DYTN: variants seen among roughly 807,000 people sequenced by gnomAD.
The protein encoded by DYTN is dystrotelin.
Under a neutral mutation model 69.6 loss-of-function variants are expected in DYTN, and 75 were observed. That is an observed-to-expected ratio of 1.08 (90% CI 0.89 to 1.31). The LOEUF (loss-of-function observed/expected upper bound fraction) is 1.31. Ranked by LOEUF, DYTN falls within the 50% of genes most tolerant of loss-of-function variation. The pLI is 0.00. For synonymous variants in DYTN, 252 were observed against 249.1 expected, an observed-to-expected ratio of 1.01 and a Z score of -0.11; for missense variants, 726 against 688.4, an observed-to-expected ratio of 1.05 and a Z score of -0.61.
chr2:206,656,197 T>C (rs1699446405), intron 11 of DYTN, among the ~76,000 whole-genome samples: 2 of 152,192 alleles, frequency 1.3e-5, no homozygotes, highest in Admixed American at 6.5e-5. Flanking sequence ...AATTATAGTA[T>C]CTTCTGGGTA....
At position 206,714,973 on chromosome 2, in the gene DYTN, G is replaced by A. The variant is rs139245674; in HGVS notation, c.19+3288C>T. On this transcript the variant is annotated intron_variant, in intron 1 of 11. Coordinates refer to ENST00000452335, the MANE Select transcript of DYTN (RefSeq NM_001093730.1). ...TTTTTTTTTTCTCGTCTTATTCAGC[G>A]TTTCATTAGTAGTGCTAATGTAGCT... Among the ~76,000 whole-genome samples, 823 of 150,322 alleles carry A rather than the reference G, an allele frequency of 5.5e-3. 7 individuals are homozygous for A. Among genetic ancestry groups the A allele is most frequent in the African/African-American group, 0.018 (726 of 40,814 alleles).
chr2:206,702,909 C>T (rs1699988754), intron 5 of DYTN, among the ~76,000 whole-genome samples: 1 of 152,096 alleles, frequency 6.6e-6, no homozygotes, highest in Non-Finnish European at 1.5e-5. Flanking sequence ...AGATGGCACA[C>T]CGGCACAGGC....
At chr2:206,685,900 G>A (rs1048659798) in intron 9 of DYTN, among the ~76,000 whole-genome samples, 2 of 151,492 alleles carry the variant, frequency 1.3e-5, no homozygotes, top group African/African-American at 2.4e-5. Context: ...TCCTATAAGA[G>A]CAAGGGACGC....
At chr2:206,654,795 T>G (rs999477650) in intron 11 of DYTN, among the ~76,000 whole-genome samples, 7 of 152,246 alleles carry the variant, frequency 4.6e-5, no homozygotes, top group Non-Finnish European at 7.3e-5. Context: ...TTTGAAGTTT[T>G]ATTTTCTGAT....
intron 1 of DYTN, among the ~76,000 whole-genome samples, chr2:206,713,432 A>C (rs1344322491): frequency 6.6e-6 from 1 of 152,184 alleles, no homozygotes; most frequent in Non-Finnish European, 1.5e-5. Context: ...TCGCTGTGGT[A>C]GAGAGAGGGA....
chr2:206,662,106 T>C (rs1699518768), intron 11 of DYTN, among the ~76,000 whole-genome samples: 1 of 152,200 alleles, frequency 6.6e-6, no homozygotes, highest in Non-Finnish European at 1.5e-5. Flanking sequence ...GTGTATTATA[T>C]TTAATGACTT....
rs879629081 is a variant in DYTN at position 206,675,113 on chromosome 2, A to ATGTGTG, written c.981-9085_981-9084insCACACA. On this transcript the variant is annotated intron_variant, in intron 9 of 11. Transcript: ENST00000452335. ...ATTGGAGGGGAAAAAACATATATAT[A>ATGTGTG]TATGTGTGTGTGTGTGTGTGTGTGT... Among the ~76,000 whole-genome samples the ATGTGTG allele has an allele frequency of 9.1e-3, 1,120 of 122,574 alleles. 9 individuals are homozygous for ATGTGTG. The highest frequency in any genetic ancestry group is 0.023 in the African/African-American group (725 of 31,768). 80.4% of individuals were successfully genotyped at this position (122,574 alleles called of 152,430 possible).
chr2:206,670,754 A>G (rs1182892302), intron 9 of DYTN, among the ~76,000 whole-genome samples: 1 of 152,180 alleles, frequency 6.6e-6, no homozygotes, highest in Admixed American at 6.5e-5. Flanking sequence ...TGCATATCCA[A>G]TTTCACAAAA....
intron 9 of DYTN, among the ~76,000 whole-genome samples, chr2:206,672,074 T>C (rs1699635981): frequency 6.6e-6 from 1 of 152,102 alleles, no homozygotes; most frequent in Non-Finnish European, 1.5e-5. Context: ...TGAAAATGCA[T>C]AGAAAAAGAT....
rs1005678388 is a variant in DYTN at position 206,651,695 on chromosome 2, C to A, written c.*123G>T. The A allele has an allele frequency of 2.3e-6, 2 of 881,660 alleles. No homozygotes were observed. Among genetic ancestry groups the A allele is most frequent in the African/African-American group, 1.7e-5 (1 of 58,774 alleles). 54.6% of individuals were successfully genotyped at this position (881,660 alleles called of 1,614,324 possible). A position where few individuals can be genotyped will look rare whatever the true frequency, so the allele number is the denominator to read the frequency against. On this transcript the variant is annotated 3_prime_UTR_variant, in exon 12 of 12. Transcript: ENST00000452335. The stretch of plus-strand genomic sequence containing the variant: ...TAGGGAGGGAGATCAAAAAACAAAA[C>A]CTGTTTTCTTCATAGTTCACACTAA...
chr2:206,675,145 G>GTGTGTGTGTGTATA lies in DYTN; in HGVS notation c.981-9117_981-9116insTATACACACACACA, dbSNP rs1415225495. On this transcript the variant is annotated intron_variant, in intron 9 of 11. Transcript: ENST00000452335. Reference sequence around the variant, plus strand: ...TGTGTGTGTGTGTGTGTGTGTGTGTGTATATATGTGTATATATATTTAAAT... The same window carrying GTGTGTGTGTGTATA: ...TGTGTGTGTGTGTGTGTGTGTGTGTGTGTGTGTGTGTATATATATATGTGTATATATATTTAAAT... 4.2e-3 allele frequency among the ~76,000 whole-genome samples: 506 copies of GTGTGTGTGTGTATA among 120,332 alleles called. 3 individuals carry two copies. The highest frequency in any genetic ancestry group is 9.8e-3 in the South Asian group (38 of 3,876). The allele number at this position is 120,332 out of a possible 152,430, so 78.9% of individuals were successfully genotyped here.
intron 11 of DYTN, among the ~76,000 whole-genome samples, chr2:206,654,563 T>C (rs1298697337): frequency 6.6e-6 from 1 of 152,184 alleles, no homozygotes; most frequent in African/African-American, 2.4e-5. Context: ...AGGCTATTGG[T>C]AGTTAAGTTT....
chr2:206,689,987 A>C (rs1165182423), intron 9 of DYTN, among the ~76,000 whole-genome samples: 1 of 152,234 alleles, frequency 6.6e-6, no homozygotes, highest in African/African-American at 2.4e-5. Flanking sequence ...CTCCCCTCAT[A>C]GAGCTTACAT....
In DYTN at chr2:206,694,922, G is replaced by GAA. The variant is rs71410896; in HGVS notation, c.720-47_720-46dup. ...CACAGCTTACGTCACTAGTAGATGA[G>GAA]AAAAAAAAAAAAAAAAGAATATCCA... On this transcript the variant is annotated intron_variant, in intron 7 of 11. Transcript: ENST00000452335. The GAA allele has an allele frequency of 9.5e-3, 6,757 of 710,878 alleles. 31 individuals are homozygous for GAA. The highest frequency in any genetic ancestry group is 0.041 in the African/African-American group (1,809 of 44,058). 44.0% of individuals were successfully genotyped at this position (710,878 alleles called of 1,614,324 possible).
chr2:206,685,449 C>T (rs979755990), intron 9 of DYTN, among the ~76,000 whole-genome samples: 5 of 152,156 alleles, frequency 3.3e-5, no homozygotes, highest in African/African-American at 1.2e-4. Flanking sequence ...GGGCATGAGC[C>T]ACTTTACCTG....
intron 9 of DYTN, among the ~76,000 whole-genome samples, chr2:206,685,351 C>T (rs575614484): frequency 4.0e-5 from 6 of 151,746 alleles, no homozygotes; most frequent in South Asian, 4.2e-4. Context: ...TCTGTAGAGA[C>T]GGAATCTCTC....
intron 11 of DYTN, among the ~76,000 whole-genome samples, chr2:206,662,423 G>T (rs1413075502): frequency 6.6e-6 from 1 of 151,966 alleles, no homozygotes; most frequent in Non-Finnish European, 1.5e-5. Context: ...CAGTAAAGAA[G>T]GATCTTATCT....
intron 9 of DYTN, among the ~76,000 whole-genome samples, chr2:206,677,538 A>T (rs1699703773): frequency 6.6e-6 from 1 of 152,242 alleles, no homozygotes; most frequent in African/African-American, 2.4e-5. Context: ...ACCTCTGATT[A>T]TGCATCAGAA....
chr2:206,657,371 T>A (rs1469596678), intron 11 of DYTN, among the ~76,000 whole-genome samples: 2 of 152,154 alleles, frequency 1.3e-5, no homozygotes, highest in Non-Finnish European at 2.9e-5. Flanking sequence ...TTGAAACTAC[T>A]AGCTTCAATC....
Sources: gnomAD v4.1 joint callset for allele counts (sites outside exome capture counted in the v4.1 genomes callset) on GRCh38, gnomAD v4.1.1 for gene constraint, MANE v1.5 for transcripts, NCBI Gene and HGNC (gene_info 2026-07-23, HGNC 2026-07-21) for gene names.